Variants in RNF135 observed in about 807,000 individuals in gnomAD.
The protein encoded by RNF135 is ring finger protein 135.
A neutral mutation model predicts 41.9 loss-of-function variants in RNF135; 46 were observed. The ratio of observed to expected loss-of-function variants is 1.10; its 90% CI spans 0.87 to 1.40. RNF135 has a LOEUF of 1.40. Among genes scored for constraint, RNF135 ranks in the 40% most tolerant of loss-of-function variants. RNF135 has a pLI of 0.00. For missense variants in RNF135, 539 were observed against 549.8 expected, an observed-to-expected ratio of 0.98 and a Z score of 0.20; for synonymous variants, 238 against 223.8, an observed-to-expected ratio of 1.06 and a Z score of -0.57.
At chr17:30,959,273 C>T in the RNF135 span, 3 of 152,190 alleles carry the variant, frequency 2.0e-5, no homozygotes, top group Non-Finnish European at 4.4e-5. Flanking sequence ...AACTGGGATT[C>T]TAAGGGTGGG....
At position 30,982,882 on chromosome 17, in the gene RNF135, G is replaced by A. The variant is rs147084349; in HGVS notation, c.373-1735G>A. On this transcript the variant is annotated intron_variant, in intron 1 of 4. Coordinates refer to ENST00000328381, the MANE Select transcript of RNF135 (RefSeq NM_032322.4). ...AGGGTACCATAACTCTTTTCAACTC[G>A]CAAAAGTGGAATTCTAGGAGGACAT... Among the ~76,000 whole-genome samples the A allele has an allele frequency of 1.3e-4, 20 of 151,922 alleles. No homozygotes were observed. In the East Asian group the frequency reaches 1.4e-3, roughly 10 times the overall value.
chr17:30,975,905 C>T (rs1316122780), intron 1 of RNF135: 2 of 613,738 alleles, frequency 3.3e-6, no homozygotes, highest in Non-Finnish European at 6.0e-6. Context: ...AGTTTGGGCT[C>T]CAAGCTTCAA....
the RNF135 span, among the ~76,000 whole-genome samples, chr17:30,962,148 T>C: frequency 4.2e-3 from 633 of 151,942 alleles, 2 homozygotes; most frequent in African/African-American, 0.012. Context: ...TTTTTTTTTT[T>C]CCCGAGATGG....
Position 30,984,625 on chromosome 17 carries a change from A to G in RNF135, c.381A>G (p.Val127=). The G allele has an allele frequency of 6.2e-7, 1 of 1,614,230 alleles. No individual in the cohort carries two copies. Residue 127 remains valine, a synonymous_variant, in exon 2 of 5, where the codon GTA becomes GTG. Coordinates refer to ENST00000328381, the MANE Select transcript of RNF135 (RefSeq NM_032322.4). Reference sequence around the variant, plus strand: ...ACTTTGCTATTTTGAAGGTGGCAGTAGAGAAGAGCATCACAGAAGTTGCTC... The same window carrying G: ...ACTTTGCTATTTTGAAGGTGGCAGTGGAGAAGAGCATCACAGAAGTTGCTC... The part of the protein sequence containing the change: ...RRRPELQRVA[V]EKSITEVAQE...
In RNF135 at chr17:30,977,096, G is replaced by A. The variant is rs778541508; in HGVS notation, c.372+5651G>A. Among the ~76,000 whole-genome samples, 207 of 151,748 alleles carry A rather than the reference G, an allele frequency of 1.4e-3. 1 individual carries two copies. The highest frequency in any genetic ancestry group is 2.5e-3 in the Non-Finnish European group (167 of 67,944). ...TAGTTTCTTGCTTTTTATTTTTTGT[G>A]TATCCATTATATGATTTTTGATTTG... is the stretch of plus-strand genomic sequence containing the variant. On this transcript the variant is annotated intron_variant, in intron 1 of 4. Coordinates refer to ENST00000328381, the MANE Select transcript of RNF135 (RefSeq NM_032322.4).
upstream of RNF135, chr17:30,970,885 C>A (rs1905833401): frequency 7.7e-6 from 6 of 779,888 alleles, no homozygotes; most frequent in Non-Finnish European, 1.2e-5. Context: ...GTCTTTCCAG[C>A]TGGGCACTGG....
chr17:30,964,535 C>A, the RNF135 span, among the ~76,000 whole-genome samples: 1 of 151,774 alleles, frequency 6.6e-6, no homozygotes, highest in Non-Finnish European at 1.5e-5. Context: ...ACCCAAGAGG[C>A]GGAGTTTGCA....
Position 30,998,727 on chromosome 17 carries a change from C to A in RNF135, c.835C>A (p.Arg279Ser). The change falls in exon 5 of 5, where the codon CGT becomes AGT. Residue 279 changes from arginine (R) to serine (S), a missense_variant. Arg to Ser is a moderately radical substitution (Grantham distance 110). Coordinates refer to ENST00000328381, the MANE Select transcript of RNF135 (RefSeq NM_032322.4). Reference sequence around the variant, plus strand: ...CAGCCTGGAGGTGTCCAAGGATTCCCGTACAGTGACTGTGTCTCACCGCCC... The same window carrying A: ...CAGCCTGGAGGTGTCCAAGGATTCCAGTACAGTGACTGTGTCTCACCGCCC... ...SCSLEVSKDS[R>S]TVTVSHRPQP... 1 of 1,613,544 alleles carries A rather than the reference C, an allele frequency of 6.2e-7. No homozygotes were observed.
At chr17:30,961,803 T>A in the RNF135 span, among the ~76,000 whole-genome samples, 5 of 152,308 alleles carry the variant, frequency 3.3e-5, no homozygotes, top group African/African-American at 9.6e-5. Flanking sequence ...GGTCTCAAAC[T>A]GACCCTTTGC....
chr17:30,971,721 CTT>C, intron 1 of RNF135: 2 of 1,310,254 alleles, frequency 1.5e-6, no homozygotes, highest in Non-Finnish European at 1.9e-6. Flanking sequence ...TCTTCGGTCT[CTT>C]TCTCTGAAAC....
intron 3 of RNF135, among the ~76,000 whole-genome samples, chr17:30,996,194 A>G (rs1768597398): frequency 6.9e-6 from 1 of 144,544 alleles, no homozygotes; most frequent in Non-Finnish European, 1.5e-5. Context: ...GGTTCAAGTG[A>G]TTCTCCTGCC....
intron 1 of RNF135, among the ~76,000 whole-genome samples, chr17:30,983,353 A>ATATATATATATTTTTTTTTTTTTT (rs1420453160): frequency 2.8e-5 from 1 of 35,744 alleles, no homozygotes; most frequent in Admixed American, 4.8e-4. Context: ...ATATATATAT[A>ATATATATATATTTTTTTTTTTTTT]TTTTTTTTTT....
Position 30,988,017 on chromosome 17 carries a change from T to C in RNF135, c.590T>C (p.Ile197Thr), listed in dbSNP as rs1907709061. Residue 197 changes from isoleucine (I) to threonine (T), a missense_variant, in exon 3 of 5, where the codon ATC becomes ACC. Ile to Thr is a moderately conservative substitution (Grantham distance 89). Around this residue, in one of 2 missense-constraint regions of RNF135, gnomAD observed 262 missense variants for 336.9 expected, o/e 0.78. Transcript: ENST00000328381. ...ACTTCCGACACAGCTGCAGGGAAAA[T>C]CAGAGATATTCTCCATGACCTAGAA... ...LVTSDTAAGK[I>T]RDILHDLEEI... 6.2e-7 allele frequency: 1 copy of C among 1,613,926 alleles called. No individual in the cohort carries two copies. Among genetic ancestry groups the C allele is most frequent in the African/African-American group, 1.3e-5 (1 of 74,872 alleles).
At chr17:30,983,333 ATATATATATATATATATATAT>A (rs1907308045) in intron 1 of RNF135, among the ~76,000 whole-genome samples, 2 of 26,500 alleles carry the variant, frequency 7.5e-5, no homozygotes, top group African/African-American at 2.2e-4. Flanking sequence ...ATATATATAT[ATATATATATATATATATATAT>A]TTTTTTTTTT....
chr17:30,960,982 A>G, the RNF135 span, among the ~76,000 whole-genome samples: 1 of 151,936 alleles, frequency 6.6e-6, no homozygotes, highest in Non-Finnish European at 1.5e-5. Context: ...CTCGTGATCC[A>G]CCTGCCTCGG....
At chr17:30,980,836 A>G (rs1374435832) in intron 1 of RNF135, among the ~76,000 whole-genome samples, 1 of 147,860 alleles carries the variant, frequency 6.8e-6, no homozygotes, top group African/African-American at 2.5e-5. Context: ...CTCGCTTCCT[A>G]GATGGGATGG....
At chr17:30,977,126 T>A (rs1255827548) in intron 1 of RNF135, among the ~76,000 whole-genome samples, 1 of 152,162 alleles carries the variant, frequency 6.6e-6, no homozygotes, top group Non-Finnish European at 1.5e-5. Flanking sequence ...GATTTGAGGT[T>A]ACCATGAGCT....
chr17:30,977,945 TTTTG>T (rs968123977), intron 1 of RNF135, among the ~76,000 whole-genome samples: 2 of 152,198 alleles, frequency 1.3e-5, no homozygotes, highest in African/African-American at 4.8e-5. Flanking sequence ...ATCCCTTAGC[TTTTG>T]TTTGTCTGGG....
upstream of RNF135, among the ~76,000 whole-genome samples, chr17:30,966,153 G>C (rs573892708): frequency 1.3e-5 from 2 of 152,152 alleles, no homozygotes; most frequent in Non-Finnish European, 2.9e-5. Context: ...GTTTTAGGGA[G>C]GGACTATTAT....
Sources: gnomAD v4.1 joint callset for allele counts (sites outside exome capture counted in the v4.1 genomes callset) on GRCh38, gnomAD v4.1.1 for gene constraint, gnomAD v4.1.1 regional missense constraint, MANE v1.5 for transcripts, NCBI Gene and HGNC (gene_info 2026-07-23, HGNC 2026-07-21) for gene names.